ERAP2: variants seen among roughly 807,000 people sequenced by gnomAD.
ERAP2 encodes the protein leukocyte-derived arginine aminopeptidase.
Under a neutral mutation model 111.1 loss-of-function variants are expected in ERAP2, and 118 were observed. The observed-to-expected ratio is 1.06, with a 90% confidence interval of 0.92 to 1.24. The LOEUF (loss-of-function observed/expected upper bound fraction) is 1.24, where lower values mean the gene tolerates loss of function less well. Ranked by LOEUF, ERAP2 falls within the 50% of genes most tolerant of loss-of-function variation. The pLI, the probability that ERAP2 is intolerant of heterozygous loss-of-function variation, is 0.00. For missense variants in ERAP2, 1,131 were observed against 1,125.8 expected (o/e 1.00, Z -0.07); for synonymous variants, 410 against 401.2 (o/e 1.02, Z -0.26).
At chr5:96,879,473 C>G (rs1782916785) in intron 1 of ERAP2, 91 bp from the exon 2 acceptor site, 1 of 483,848 alleles carries the variant, frequency 2.1e-6, no homozygotes, top group African/African-American at 1.9e-5. Flanking sequence ...CAGATTTTCC[C>G]TTACTCACAC....
chr5:96,885,548 G>T (rs1783631010), intron 3 of ERAP2, among the ~76,000 whole-genome samples: 1 of 152,146 alleles, frequency 6.6e-6, no homozygotes, highest in Admixed American at 6.5e-5. Flanking sequence ...AAAAACATTT[G>T]CCATCAAAGT....
rs35218383 is a variant in ERAP2, at chr5:96,887,073, G to GTATATATATA, written c.849+303_849+312dup. 3.1e-3 allele frequency among the ~76,000 whole-genome samples: 274 copies of GTATATATATA among 87,106 alleles called. 2 individuals carry two copies. Among genetic ancestry groups the GTATATATATA allele is most frequent in the East Asian group, 0.012 (34 of 2,914 alleles). The allele number at this position is 87,106 out of a possible 152,430, so 57.1% of individuals were successfully genotyped here. A position where few individuals can be genotyped will look rare whatever the true frequency, so the allele number is the denominator to read the frequency against. The stretch of plus-strand genomic sequence containing the variant: ...TATATATGTAAAGGTAATTTTCAAA[G>GTATATATATA]TATATATATATATATATATATATAT... On this transcript the variant is annotated intron_variant, in intron 4 of 18. Coordinates refer to ENST00000437043, the MANE Select transcript of ERAP2 (RefSeq NM_022350.5).
In ERAP2 at chr5:96,886,727, CTT is replaced by C. The variant is rs746942670; in HGVS notation, c.788_789del (p.Leu263ArgfsTer7). Reference protein sequence around the residue: ...FETTVKMSTYLVAYIVCDFHS... With the variant: ...FETTVKMSTYXVAYIVCDFHS... ...AACTACTGTAAAAATGAGTACATAC[CTT>C]GTAGCCTACATAGTTTGTGATTTCC... On this transcript the variant is annotated frameshift_variant, in exon 4 of 19. Transcript: ENST00000437043. LOFTEE classifies it high-confidence loss of function. 4.6e-5 allele frequency: 71 copies of C among 1,547,296 alleles called. No homozygotes were observed. In the Middle Eastern group the frequency reaches 6.9e-4, roughly 15 times the overall value.
At chr5:96,913,220 TC>T in intron 16 of ERAP2, 96 bp from the exon 17 acceptor site, 1 of 935,530 alleles carries the variant, frequency 1.1e-6, no homozygotes, top group South Asian at 1.9e-5. Flanking sequence ...TTATCATGCC[TC>T]TTTCTGTTCT....
chr5:96,915,755 G>A lies in ERAP2; in HGVS notation c.2725G>A (p.Asp909Asn). ...CACAACAGCTCACTTTTCTTCCAAG[G>A]ATAAGTTGCAAGAGGTTTGTGACTT... is the stretch of plus-strand genomic sequence containing the variant. ...SGTTAHFSSK[D>N]KLQEVKLFFE... The change falls in exon 18 of 19, where the codon GAT becomes AAT. Residue 909 changes from aspartate (D) to asparagine (N), a missense_variant. Asp to Asn is a conservative substitution (Grantham distance 23). Transcript: ENST00000437043. 6.2e-7 allele frequency: 1 copy of A among 1,601,104 alleles called. No individual in the cohort carries two copies. Among genetic ancestry groups the A allele is most frequent in the Non-Finnish European group, 8.5e-7 (1 of 1,173,762 alleles).
intron 15 of ERAP2, 140 bp downstream of exon 15, chr5:96,909,904 C>A (rs1786525802): frequency 2.6e-6 from 2 of 776,086 alleles, no homozygotes; most frequent in African/African-American, 1.8e-5. Flanking sequence ...CTGTTTCATG[C>A]TCTCACATTG....
At position 96,911,866 on chromosome 5, in the gene ERAP2, C is replaced by CAAAAAAAA. The variant is rs386358295; in HGVS notation, c.2355-763_2355-756dup. ...TGAACAACAGAGTAAGACCCTGTCT[C>CAAAAAAAA]AAAAAAAAAAAAAAAGAAAGAAAGA... On this transcript the variant is annotated intron_variant, in intron 15 of 18. Transcript: ENST00000437043. 5.2e-3 allele frequency among the ~76,000 whole-genome samples: 296 copies of CAAAAAAAA among 56,460 alleles called. 3 individuals are homozygous for CAAAAAAAA. Among genetic ancestry groups the CAAAAAAAA allele is most frequent in the African/African-American group, 0.019 (278 of 14,652 alleles). 37.0% of individuals were successfully genotyped at this position (56,460 alleles called of 152,430 possible).
intron 18 of ERAP2, among the ~76,000 whole-genome samples, chr5:96,916,933 C>T (rs1787481014): frequency 6.6e-6 from 1 of 152,056 alleles, no homozygotes; most frequent in Admixed American, 6.6e-5. Flanking sequence ...ATTGTGGTCA[C>T]TTGTAAGATG....
intron 3 of ERAP2, among the ~76,000 whole-genome samples, chr5:96,885,171 G>A (rs964735958): frequency 6.6e-6 from 1 of 152,144 alleles, no homozygotes; most frequent in Non-Finnish European, 1.5e-5. Context: ...TAGCCCAGAC[G>A]TATTTCCCCA....
Position 96,903,719 on chromosome 5 carries a change from G to A in ERAP2, c.2012+159G>A, listed in dbSNP as rs577956085. Among the ~76,000 whole-genome samples the A allele has an allele frequency of 4.6e-5, 7 of 152,022 alleles. No homozygotes were observed. The South Asian group carries it at 1.3e-3, about 27-fold the overall frequency. ...AGGCCAAAGACTACCCACTAATAAC[G>A]TATTTTGACCCACACAGTGTTTATA... On this transcript the variant is annotated intron_variant, in intron 13 of 18. Transcript: ENST00000437043.
At chr5:96,908,733 A>G (rs1166531825) in intron 13 of ERAP2, among the ~76,000 whole-genome samples, 1 of 152,190 alleles carries the variant, frequency 6.6e-6, no homozygotes, top group Non-Finnish European at 1.5e-5. Flanking sequence ...TATGAGGAAG[A>G]TAGTATTATT....
chr5:96,877,919 T>C (rs929361558), intron 1 of ERAP2, among the ~76,000 whole-genome samples: 1 of 152,212 alleles, frequency 6.6e-6, no homozygotes, highest in Non-Finnish European at 1.5e-5. Flanking sequence ...ATATTGCAAA[T>C]TGAAAAATTG....
At position 96,917,837 on chromosome 5, in the gene ERAP2, T is replaced by C; in HGVS notation, c.*232T>C. On this transcript the variant is annotated 3_prime_UTR_variant, in exon 19 of 19. Coordinates refer to ENST00000437043, the MANE Select transcript of ERAP2 (RefSeq NM_022350.5). The stretch of plus-strand genomic sequence containing the variant: ...AGGAAAATGGCATAAACCCGGGAGG[T>C]GGAGCTTGCAGTGAGCCGAGATTGC... The C allele has an allele frequency of 5.1e-6, 1 of 196,462 alleles. No individual in the cohort carries two copies. Among genetic ancestry groups the C allele is most frequent in the South Asian group, 7.3e-5 (1 of 13,786 alleles). The allele number at this position is 196,462 out of a possible 1,614,324, so 12.2% of individuals were successfully genotyped here. A position where few individuals can be genotyped will look rare whatever the true frequency, so the allele number is the denominator to read the frequency against.
intron 9 of ERAP2, among the ~76,000 whole-genome samples, chr5:96,897,780 A>G (rs1389689083): frequency 6.6e-6 from 1 of 152,242 alleles, no homozygotes; most frequent in Non-Finnish European, 1.5e-5. Flanking sequence ...GAGAACTCAT[A>G]CCTGTAATTA....
At chr5:96,884,042 CTA>C (rs1783454739) in intron 3 of ERAP2, 112 bp downstream of exon 3, 1 of 261,384 alleles carries the variant, frequency 3.8e-6, no homozygotes, top group Non-Finnish European at 7.1e-6. Context: ...TTTTATCTAT[CTA>C]TCTATCTATC....
At chr5:96,911,117 T>C (rs567465023) in intron 15 of ERAP2, among the ~76,000 whole-genome samples, 1 of 152,378 alleles carries the variant, frequency 6.6e-6, no homozygotes, top group East Asian at 1.9e-4. Context: ...AAATCCCATC[T>C]GCAAATGGCA....
chr5:96,902,286 T>C lies in ERAP2; in HGVS notation c.1761T>C (p.His587=), dbSNP rs753022622. Residue 587 remains histidine (H), a synonymous_variant, in exon 12 of 19, where the codon CAT becomes CAC. Coordinates refer to ENST00000437043, the MANE Select transcript of ERAP2 (RefSeq NM_022350.5). ...WRALQERYLW[H]IPLTYSTSSS... Reference sequence around the variant, plus strand: ...CTCTCTGTCATAGGTACCTGTGGCATATCCCATTGACCTACTCCACGAGTT... The same window carrying C: ...CTCTCTGTCATAGGTACCTGTGGCACATCCCATTGACCTACTCCACGAGTT... 15 of 1,606,752 alleles carry C rather than the reference T, an allele frequency of 9.3e-6. No homozygotes were observed. The South Asian group carries it at 1.2e-4, about 13-fold the overall frequency.
At position 96,917,905 on chromosome 5, in the gene ERAP2, C is replaced by CAA. The variant is rs36015159; in HGVS notation, c.*322_*323dup. Reference sequence around the variant, plus strand: ...TGGGTGACTGAGCGAGACTCTGTCTCAAAAAAAAAAAAAAAAAAAAAAAGA... The same window carrying CAA: ...TGGGTGACTGAGCGAGACTCTGTCTCAAAAAAAAAAAAAAAAAAAAAAAAAGA... On this transcript the variant is annotated 3_prime_UTR_variant, in exon 19 of 19. Coordinates refer to ENST00000437043, the MANE Select transcript of ERAP2 (RefSeq NM_022350.5). The CAA allele has an allele frequency of 0.057, 2,818 of 49,224 alleles. 125 individuals are homozygous for CAA. Among genetic ancestry groups the CAA allele is most frequent in the Middle Eastern group, 0.11 (9 of 80 alleles). 3.0% of individuals were successfully genotyped at this position (49,224 alleles called of 1,614,324 possible). A position where few individuals can be genotyped will look rare whatever the true frequency, so the allele number is the denominator to read the frequency against.
At chr5:96,915,047 G>A (rs1246978422) in intron 17 of ERAP2, among the ~76,000 whole-genome samples, 2 of 151,234 alleles carry the variant, frequency 1.3e-5, no homozygotes, top group Admixed American at 1.3e-4. Context: ...CATTCTCGTT[G>A]CCCAGGCTGG....
Sources: allele counts gnomAD v4.1 joint callset (sites outside exome capture counted in the v4.1 genomes callset), GRCh38; gene constraint gnomAD v4.1.1; transcripts MANE v1.5; gene names NCBI Gene and HGNC (gene_info 2026-07-23, HGNC 2026-07-21).